The following CALN1 variants were observed in gnomAD, a reference collection of about 807,000 sequenced individuals.
The protein encoded by CALN1 is calcium-binding protein 8.
CALN1 carries 17 observed loss-of-function variants against 30.6 expected under a neutral mutation model. The ratio of observed to expected loss-of-function variants is 0.56; its 90% CI spans 0.38 to 0.83. The LOEUF is 0.83. Ranked by LOEUF, CALN1 falls within the 40% of genes least tolerant of loss-of-function variation. The pLI is 0.00. For missense variants in CALN1, 291 were observed against 354.9 expected, an observed-to-expected ratio of 0.82 and a Z score of 1.45; for synonymous variants, 156 against 131.4, an observed-to-expected ratio of 1.19 and a Z score of -1.28.
At position 72,111,836 on chromosome 7, in the gene CALN1, C is replaced by T. The variant is rs141473225; in HGVS notation, c.245-5542G>A. 1.2e-3 allele frequency among the ~76,000 whole-genome samples: 182 copies of T among 151,976 alleles called. 3 individuals carry two copies. The East Asian group carries it at 0.027, about 23-fold the overall frequency. On this transcript the variant is annotated intron_variant, in intron 3 of 6. Transcript: ENST00000395275. ...CATGAGCTCAGCTCACTGCAACCTCCGCCTCCCTGGTTCAAGCAATTTTCC... is the reference window on the plus strand; with the variant it reads ...CATGAGCTCAGCTCACTGCAACCTCTGCCTCCCTGGTTCAAGCAATTTTCC...
rs112158496 is a variant in CALN1, at chr7:72,332,876, C to T, written c.120-54066G>A. On this transcript the variant is annotated intron_variant, in intron 2 of 6. Coordinates refer to ENST00000395275, the MANE Select transcript of CALN1 (RefSeq NM_031468.4). ...TCCGGCTTTCAGAGCCAGCTTCCTC[C>T]CTGGTATCCATGTTTCTGGTCTTCT... is the stretch of plus-strand genomic sequence containing the variant. Among the ~76,000 whole-genome samples, 1,355 of 152,166 alleles carry T rather than the reference C, an allele frequency of 8.9e-3. 19 individuals are homozygous for T. Among genetic ancestry groups the T allele is most frequent in the African/African-American group, 0.031 (1,278 of 41,502 alleles).
In CALN1 at chr7:72,357,552, C is replaced by T. The variant is rs1041389234; in HGVS notation, c.119+45699G>A. On this transcript the variant is annotated intron_variant, in intron 2 of 6. Transcript: ENST00000395275. ...AGGGCTGCCTTGATCTTACCATGAGCATCATGAATGAGGTTTTTGAATGCT... is the reference window on the plus strand; with the variant it reads ...AGGGCTGCCTTGATCTTACCATGAGTATCATGAATGAGGTTTTTGAATGCT... Among the ~76,000 whole-genome samples, 6 of 151,856 alleles carry T rather than the reference C, an allele frequency of 4.0e-5. 1 individual carries two copies. Among genetic ancestry groups the T allele is most frequent in the African/African-American group, 1.2e-4 (5 of 41,162 alleles).
chr7:72,279,282 T>C (rs761155889), intron 2 of CALN1, among the ~76,000 whole-genome samples: 102 of 152,174 alleles, frequency 6.7e-4, no homozygotes, highest in Admixed American at 7.9e-4. Context: ...AATATAGGCA[T>C]TGCACTCACA....
At chr7:71,982,545 G>A (rs944677287) in intron 5 of CALN1, among the ~76,000 whole-genome samples, 2 of 152,218 alleles carry the variant, frequency 1.3e-5, no homozygotes, top group Non-Finnish European at 2.9e-5. Flanking sequence ...AGTGAGTCAA[G>A]ATCACGCCAT....
intron 5 of CALN1, among the ~76,000 whole-genome samples, chr7:71,907,487 A>C (rs181307918): frequency 6.6e-6 from 1 of 152,308 alleles, no homozygotes; most frequent in East Asian, 1.9e-4. Context: ...CAGCAGAATA[A>C]AGCTGTGAGT....
intron 2 of CALN1, among the ~76,000 whole-genome samples, chr7:72,371,612 T>A (rs1034268593): frequency 6.6e-6 from 1 of 152,232 alleles, no homozygotes; most frequent in South Asian, 2.1e-4. Context: ...CTTTACTTTA[T>A]AAATTACCCA....
chr7:72,453,993 A>AATATATATATATATATATATATATAT, the CALN1 span, among the ~76,000 whole-genome samples: 6 of 148,132 alleles, frequency 4.1e-5, no homozygotes, highest in African/African-American at 1.5e-4. Context: ...ACAACCAAAA[A>AATATATATATATATATATATATATAT]ATATATATAT....
upstream of CALN1, among the ~76,000 whole-genome samples, chr7:72,450,517 G>A (rs953037789): frequency 6.6e-6 from 1 of 152,192 alleles, no homozygotes; most frequent in Non-Finnish European, 1.5e-5. Context: ...GTCTGCAGGG[G>A]AGTTCCAAAC....
At chr7:72,351,838 G>C (rs1426579086) in intron 2 of CALN1, among the ~76,000 whole-genome samples, 1 of 152,182 alleles carries the variant, frequency 6.6e-6, no homozygotes, top group Admixed American at 6.5e-5. Context: ...ATTGTGAATT[G>C]CATTTAATTT....
chr7:72,023,318 A>T (rs910149748), intron 5 of CALN1, among the ~76,000 whole-genome samples: 2 of 152,188 alleles, frequency 1.3e-5, no homozygotes, highest in African/African-American at 2.4e-5. Context: ...TCTCTCAGCA[A>T]AGATATCCCG....
chr7:72,399,913 G>A (rs1562948862), intron 2 of CALN1, among the ~76,000 whole-genome samples: 1 of 152,076 alleles, frequency 6.6e-6, no homozygotes, highest in East Asian at 1.9e-4. Context: ...TCATGCAAGA[G>A]CTAGTTGTTA....
At chr7:72,308,603 A>G (rs1162369053) in intron 2 of CALN1, among the ~76,000 whole-genome samples, 4 of 152,222 alleles carry the variant, frequency 2.6e-5, no homozygotes, top group Non-Finnish European at 5.9e-5. Context: ...AAAACATTGC[A>G]GATGACATAA....
chr7:72,308,448 A>G (rs577302205), intron 2 of CALN1, among the ~76,000 whole-genome samples: 7 of 151,792 alleles, frequency 4.6e-5, no homozygotes, highest in Admixed American at 2.6e-4. Flanking sequence ...GTACCACCAA[A>G]GCTTGAGCTG....
chr7:72,192,233 TACTGG>T (rs1790661975), intron 3 of CALN1, among the ~76,000 whole-genome samples: 1 of 152,192 alleles, frequency 6.6e-6, no homozygotes, highest in South Asian at 2.1e-4. Context: ...TACAACGTGT[TACTGG>T]ACTGAATACT....
chr7:71,831,962 G>C (rs569646842), intron 5 of CALN1, among the ~76,000 whole-genome samples: 1 of 143,102 alleles, frequency 7.0e-6, no homozygotes, highest in East Asian at 2.1e-4. Flanking sequence ...AATATGCAAA[G>C]TAATACAAAT....
At chr7:71,837,231 CA>C (rs1488967715) in intron 5 of CALN1, among the ~76,000 whole-genome samples, 1 of 6,986 alleles carries the variant, frequency 1.4e-4, no homozygotes, top group African/African-American at 6.2e-4. Flanking sequence ...AACTCCATCT[CA>C]AAAAAAAAGA....
chr7:72,065,652 C>T (rs569199638), intron 4 of CALN1, among the ~76,000 whole-genome samples: 3 of 152,066 alleles, frequency 2.0e-5, no homozygotes, highest in African/African-American at 2.4e-5. Flanking sequence ...AAAGCAGGAC[C>T]GAACCCCACG....
At chr7:72,380,804 G>A (rs554883785) in intron 2 of CALN1, among the ~76,000 whole-genome samples, 36 of 152,242 alleles carry the variant, frequency 2.4e-4, no homozygotes, top group African/African-American at 7.9e-4. Context: ...ATAAAGCCAT[G>A]GCACTCCAGT....
chr7:71,951,372 C>A (rs1425606533), intron 5 of CALN1, among the ~76,000 whole-genome samples: 1 of 152,170 alleles, frequency 6.6e-6, no homozygotes, highest in Non-Finnish European at 1.5e-5. Context: ...AGCTGCATCA[C>A]CTAAGGTCAG....
Sources: gnomAD v4.1 joint callset for allele counts (sites outside exome capture counted in the v4.1 genomes callset) on GRCh38, gnomAD v4.1.1 for gene constraint, MANE v1.5 for transcripts, NCBI Gene and HGNC (gene_info 2026-07-23, HGNC 2026-07-21) for gene names.